The following NSMCE2 variants were observed in gnomAD, a reference collection of about 807,000 sequenced individuals.
The protein encoded by NSMCE2 is NSE2 SUMO ligase component of SMC5/6 complex, also known as E3 SUMO-protein ligase NSE2.
In NSMCE2, 24 loss-of-function variants were observed where a neutral mutation model predicts 23.8. The ratio of observed to expected loss-of-function variants is 1.01; its 90% CI spans 0.73 to 1.42. The LOEUF (loss-of-function observed/expected upper bound fraction) is 1.42, where lower values mean the gene tolerates loss of function less well. Among genes scored for constraint, NSMCE2 ranks in the 40% most tolerant of loss-of-function variants. The pLI is 0.00. For missense variants in NSMCE2, 284 were observed against 296.5 expected, an observed-to-expected ratio of 0.96 and a Z score of 0.31; for synonymous variants, 92 against 94.1, an observed-to-expected ratio of 0.98 and a Z score of 0.13.
rs1301070142 is a variant in NSMCE2, at chr8:125,359,332, T to C, written c.626+1514T>C. On this transcript the variant is annotated intron_variant, in intron 7 of 7. Transcript: ENST00000287437. ...TGGCATGCTTTCTTGCTCTTTCTCTTTTTTTTTTTTTTTTTTTTGAGACTG... is the reference window on the plus strand; with the variant it reads ...TGGCATGCTTTCTTGCTCTTTCTCTCTTTTTTTTTTTTTTTTTTGAGACTG... 2.6e-4 allele frequency among the ~76,000 whole-genome samples: 32 copies of C among 123,454 alleles called. 1 individual carries two copies. In the East Asian group the frequency reaches 2.8e-3, roughly 11 times the overall value. The allele number at this position is 123,454 out of a possible 152,430, so 81.0% of individuals were successfully genotyped here.
At chr8:125,297,827 C>A (rs1423761019) in intron 5 of NSMCE2, among the ~76,000 whole-genome samples, 2 of 147,228 alleles carry the variant, frequency 1.4e-5, no homozygotes, top group Non-Finnish European at 3.0e-5. Context: ...GAGTGAGACT[C>A]TGTCTCAAAA....
At chr8:125,227,324 A>G (rs1356066377) in intron 5 of NSMCE2, among the ~76,000 whole-genome samples, 2 of 152,146 alleles carry the variant, frequency 1.3e-5, no homozygotes, top group Admixed American at 6.5e-5. Flanking sequence ...TCAGTCCTTC[A>G]GATAGCAGTG....
At chr8:125,268,715 A>T (rs1253052042) in intron 5 of NSMCE2, among the ~76,000 whole-genome samples, 3 of 152,202 alleles carry the variant, frequency 2.0e-5, no homozygotes, top group African/African-American at 7.2e-5. Context: ...AGAGAAAGAG[A>T]TGCCCTGGGA....
chr8:125,117,444 C>T (rs1454190704), intron 3 of NSMCE2, among the ~76,000 whole-genome samples: 1 of 152,188 alleles, frequency 6.6e-6, no homozygotes, highest in Non-Finnish European at 1.5e-5. Flanking sequence ...TCCTAAGATA[C>T]CATAATTTGC....
At chr8:125,172,187 T>C (rs1822252190) in intron 4 of NSMCE2, among the ~76,000 whole-genome samples, 1 of 152,212 alleles carries the variant, frequency 6.6e-6, no homozygotes, top group Non-Finnish European at 1.5e-5. Flanking sequence ...CCAGGGTCTG[T>C]TGCCAGCCAC....
intron 5 of NSMCE2, among the ~76,000 whole-genome samples, chr8:125,198,900 C>T (rs1331353967): frequency 6.6e-6 from 1 of 152,158 alleles, no homozygotes; most frequent in African/African-American, 2.4e-5. Context: ...TCCACTTCTT[C>T]CTGGTGTAGT....
At chr8:125,284,920 C>G (rs1021976972) in intron 5 of NSMCE2, among the ~76,000 whole-genome samples, 1 of 152,122 alleles carries the variant, frequency 6.6e-6, no homozygotes, top group Non-Finnish European at 1.5e-5. Context: ...AGAGATAACA[C>G]CTGTGTAATT....
intron 3 of NSMCE2, among the ~76,000 whole-genome samples, chr8:125,126,147 C>T (rs1443214882): frequency 1.3e-5 from 2 of 152,090 alleles, no homozygotes; most frequent in Non-Finnish European, 2.9e-5. Context: ...CTTTGAGAGG[C>T]CAAGGCGGGC....
At chr8:125,168,158 T>A (rs1158352427) in intron 4 of NSMCE2, among the ~76,000 whole-genome samples, 1 of 152,232 alleles carries the variant, frequency 6.6e-6, no homozygotes, top group Non-Finnish European at 1.5e-5. Flanking sequence ...TTAAGCTGCC[T>A]CTTCCTAAGA....
chr8:125,201,823 C>T (rs529335002), intron 5 of NSMCE2, among the ~76,000 whole-genome samples: 1 of 152,332 alleles, frequency 6.6e-6, no homozygotes, highest in South Asian at 2.1e-4. Context: ...AGGCAGTAGC[C>T]CTTGATGAGC....
At chr8:125,178,645 C>T (rs188874999) in intron 4 of NSMCE2, among the ~76,000 whole-genome samples, 4 of 151,894 alleles carry the variant, frequency 2.6e-5, no homozygotes, top group South Asian at 2.1e-4. Flanking sequence ...TGGAGGCGGG[C>T]GGATCACGAG....
At chr8:125,238,570 AT>A (rs548034242) in intron 5 of NSMCE2, among the ~76,000 whole-genome samples, 4 of 151,994 alleles carry the variant, frequency 2.6e-5, no homozygotes, top group Admixed American at 1.3e-4. Flanking sequence ...ATTAAACAGC[AT>A]TTTTTTTCCT....
At chr8:125,241,604 A>G (rs1289324972) in intron 5 of NSMCE2, among the ~76,000 whole-genome samples, 1 of 152,236 alleles carries the variant, frequency 6.6e-6, no homozygotes, top group Non-Finnish European at 1.5e-5. Flanking sequence ...TTGAAGGTTA[A>G]TAAGAATTGA....
chr8:125,121,529 G>T (rs1428973983), intron 3 of NSMCE2, among the ~76,000 whole-genome samples: 1 of 152,126 alleles, frequency 6.6e-6, no homozygotes, highest in Admixed American at 6.6e-5. Flanking sequence ...AAGATCAGGA[G>T]AACTACATGG....
chr8:125,164,310 CTT>C lies in NSMCE2; in HGVS notation c.264+13034_264+13035del, dbSNP rs1821766509. ...ACTTGGTTAGTCTCAAGAGGTGAGACTTGAACCTCAGTGTTTTGACATGTAAT... is the reference window on the plus strand; with the variant it reads ...ACTTGGTTAGTCTCAAGAGGTGAGACGAACCTCAGTGTTTTGACATGTAAT... On this transcript the variant is annotated intron_variant, in intron 4 of 7. Coordinates refer to ENST00000287437, the MANE Select transcript of NSMCE2 (RefSeq NM_173685.4). 2.0e-5 allele frequency among the ~76,000 whole-genome samples: 3 copies of C among 152,306 alleles called. No individual in the cohort carries two copies. In the South Asian group the frequency reaches 6.2e-4, roughly 32 times the overall value.
At chr8:125,243,044 A>G (rs557209108) in intron 5 of NSMCE2, among the ~76,000 whole-genome samples, 1 of 152,212 alleles carries the variant, frequency 6.6e-6, no homozygotes, top group Non-Finnish European at 1.5e-5. Flanking sequence ...AGCAATGTGG[A>G]AAAAAAATCA....
In NSMCE2 at chr8:125,298,697, G is replaced by GT. The variant is rs56972472; in HGVS notation, c.419-58507dup. On this transcript the variant is annotated intron_variant, in intron 5 of 7. Transcript: ENST00000287437. The stretch of plus-strand genomic sequence containing the variant: ...CAAATTCATCTGTGGGTTTTTTTTT[G>GT]TTTTTTTTTTTTTTTCCCCAGTTTA... Among the ~76,000 whole-genome samples the GT allele has an allele frequency of 7.4e-3, 509 of 68,412 alleles. 8 individuals carry two copies. The highest frequency in any genetic ancestry group is 0.067 in the South Asian group (115 of 1,726). The allele number at this position is 68,412 out of a possible 152,430, so 44.9% of individuals were successfully genotyped here.
intron 3 of NSMCE2, among the ~76,000 whole-genome samples, chr8:125,122,675 C>A (rs1291836805): frequency 1.3e-5 from 2 of 152,148 alleles, no homozygotes; most frequent in Non-Finnish European, 2.9e-5. Flanking sequence ...TTGATCTCTT[C>A]TTGGGTTCCT....
At chr8:125,284,076 C>T (rs1383214454) in intron 5 of NSMCE2, among the ~76,000 whole-genome samples, 1 of 151,144 alleles carries the variant, frequency 6.6e-6, no homozygotes, top group Non-Finnish European at 1.5e-5. Context: ...ATGGCGTGAA[C>T]CTGGGAAGCA....
Sources: gnomAD v4.1 joint callset for allele counts (sites outside exome capture counted in the v4.1 genomes callset) on GRCh38, gnomAD v4.1.1 for gene constraint, MANE v1.5 for transcripts, NCBI Gene and HGNC (gene_info 2026-07-23, HGNC 2026-07-21) for gene names.